SMAP1: variants seen among roughly 807,000 people sequenced by gnomAD.
SMAP1 encodes the protein stromal membrane-associated protein 1.
A neutral mutation model predicts 58.5 loss-of-function variants in SMAP1; 24 were observed. That is an observed-to-expected ratio of 0.41 (90% confidence interval 0.30 to 0.58). The LOEUF is 0.58. SMAP1 is among the 20% of genes least tolerant of loss of function. SMAP1 has a pLI of 0.29. For missense variants in SMAP1, 563 were observed against 566.3 expected, an observed-to-expected ratio of 0.99 and a Z score of 0.06; for synonymous variants, 216 against 196.6, an observed-to-expected ratio of 1.10 and a Z score of -0.82.
rs1767261878 is a variant in SMAP1 at position 70,693,362 on chromosome 6, G to T, written c.118+25221G>T. Reference sequence around the variant, plus strand: ...CTCTGTCACCAGGCTGGAGTGCAGTGGTGCAATCTCTGCTCACTGCAACCT... The same window carrying T: ...CTCTGTCACCAGGCTGGAGTGCAGTTGTGCAATCTCTGCTCACTGCAACCT... On this transcript the variant is annotated intron_variant, in intron 1 of 10. Coordinates refer to ENST00000370455, the MANE Select transcript of SMAP1 (RefSeq NM_001044305.3). 3.5e-5 allele frequency among the ~76,000 whole-genome samples: 5 copies of T among 144,884 alleles called. No homozygotes were observed. In the Admixed American group the frequency reaches 3.6e-4, roughly 10 times the overall value.
chr6:70,683,918 C>T (rs911511422), intron 1 of SMAP1, among the ~76,000 whole-genome samples: 2 of 152,156 alleles, frequency 1.3e-5, no homozygotes, highest in Non-Finnish European at 2.9e-5. Flanking sequence ...TTTGTCAGGT[C>T]ACGTATTAAT....
At chr6:70,769,264 A>C (rs936534840) in intron 3 of SMAP1, among the ~76,000 whole-genome samples, 1 of 152,094 alleles carries the variant, frequency 6.6e-6, no homozygotes, top group Non-Finnish European at 1.5e-5. Flanking sequence ...ATGTCTATTA[A>C]GTCCGCTTGG....
At chr6:70,812,606 A>G (rs1043060998) in intron 6 of SMAP1, among the ~76,000 whole-genome samples, 4 of 152,180 alleles carry the variant, frequency 2.6e-5, no homozygotes, top group African/African-American at 9.6e-5. Flanking sequence ...AAATATTTTA[A>G]CTTCTTCAAA....
At chr6:70,786,840 A>G (rs1010180853) in intron 4 of SMAP1, among the ~76,000 whole-genome samples, 94 of 152,390 alleles carry the variant, frequency 6.2e-4, no homozygotes, top group Non-Finnish European at 1.1e-3. Flanking sequence ...GCTCATGGAC[A>G]GGAAGAATCA....
chr6:70,840,121 A>G (rs1770747882), intron 7 of SMAP1, among the ~76,000 whole-genome samples: 1 of 152,242 alleles, frequency 6.6e-6, no homozygotes. Context: ...TATGAGTGAG[A>G]CTAGAACAGA....
intron 1 of SMAP1, among the ~76,000 whole-genome samples, chr6:70,729,459 TTGTGTG>T (rs35058846): frequency 3.7e-4 from 48 of 128,168 alleles, no homozygotes; most frequent in South Asian, 3.4e-3. Context: ...AAAAAGAAGG[TTGTGTG>T]TGTGTGTGTG....
chr6:70,829,566 T>C (rs112097447), intron 6 of SMAP1, among the ~76,000 whole-genome samples: 269 of 152,338 alleles, frequency 1.8e-3, no homozygotes, highest in Non-Finnish European at 2.9e-3. Flanking sequence ...TGTTAGGAGA[T>C]TAACCTTTGC....
chr6:70,763,040 G>A (rs1160782881), intron 3 of SMAP1, among the ~76,000 whole-genome samples: 4 of 147,316 alleles, frequency 2.7e-5, no homozygotes, highest in Admixed American at 1.4e-4. Flanking sequence ...TAAAACCATC[G>A]TAGTATTCTA....
intron 7 of SMAP1, 118 bp downstream of exon 7, chr6:70,837,146 G>A: frequency 1.5e-6 from 1 of 654,084 alleles, no homozygotes; most frequent in Non-Finnish European, 2.4e-6. Context: ...AACTGAATTT[G>A]AAAATGGTAT....
chr6:70,732,322 T>G (rs191253087), intron 1 of SMAP1, 56 bp from the exon 2 acceptor site: 2 of 1,551,788 alleles, frequency 1.3e-6, no homozygotes, highest in Non-Finnish European at 1.7e-6. Context: ...TATGCTGTTA[T>G]GTTTATTTTT....
chr6:70,776,083 G>A (rs1178377009), intron 4 of SMAP1, among the ~76,000 whole-genome samples: 3 of 152,092 alleles, frequency 2.0e-5, no homozygotes, highest in Non-Finnish European at 4.4e-5. Context: ...GTGGAGACAG[G>A]AACAGATTTA....
chr6:70,746,940 C>T (rs912771309), intron 2 of SMAP1, among the ~76,000 whole-genome samples: 5 of 152,032 alleles, frequency 3.3e-5, no homozygotes, highest in African/African-American at 1.2e-4. Flanking sequence ...GGGCTTAAGT[C>T]CCCCTATAGA....
At chr6:70,696,743 A>G (rs575846685) in intron 1 of SMAP1, among the ~76,000 whole-genome samples, 5 of 152,310 alleles carry the variant, frequency 3.3e-5, no homozygotes, top group African/African-American at 1.2e-4. Context: ...TGTTTTGCAG[A>G]TATCTGTTAG....
At chr6:70,835,382 T>C (rs1770537974) in intron 6 of SMAP1, among the ~76,000 whole-genome samples, 1 of 152,166 alleles carries the variant, frequency 6.6e-6, no homozygotes, top group Admixed American at 6.5e-5. Context: ...GAAGTTAACG[T>C]ATCTCTAATA....
chr6:70,772,651 A>G (rs925430204), intron 3 of SMAP1, among the ~76,000 whole-genome samples: 6 of 152,178 alleles, frequency 3.9e-5, no homozygotes, highest in Non-Finnish European at 8.8e-5. Context: ...TACTCACTCT[A>G]TTAACAGGTA....
chr6:70,785,303 A>G (rs1443687032), intron 4 of SMAP1, among the ~76,000 whole-genome samples: 1 of 152,208 alleles, frequency 6.6e-6, no homozygotes, highest in Non-Finnish European at 1.5e-5. Context: ...CATTCAAAGC[A>G]GTGTGTAGAG....
chr6:70,764,231 A>G (rs1171020602), intron 3 of SMAP1, among the ~76,000 whole-genome samples: 2 of 152,164 alleles, frequency 1.3e-5, no homozygotes, highest in Non-Finnish European at 2.9e-5. Flanking sequence ...AAGTTTAAGA[A>G]AAGAAGCCAT....
chr6:70,720,813 A>G (rs1768489182), intron 1 of SMAP1, among the ~76,000 whole-genome samples: 1 of 152,178 alleles, frequency 6.6e-6, no homozygotes, highest in Non-Finnish European at 1.5e-5. Context: ...TAGGCTGCAC[A>G]CAGCATGGGG....
intron 1 of SMAP1, among the ~76,000 whole-genome samples, chr6:70,710,276 A>G (rs1767999325): frequency 6.6e-6 from 1 of 152,104 alleles, no homozygotes; most frequent in Non-Finnish European, 1.5e-5. Flanking sequence ...GCGGATCATG[A>G]GGTCAAGAGA....
Sources: allele counts gnomAD v4.1 joint callset (sites outside exome capture counted in the v4.1 genomes callset), GRCh38; gene constraint gnomAD v4.1.1; transcripts MANE v1.5; gene names NCBI Gene and HGNC (gene_info 2026-07-23, HGNC 2026-07-21).